Variants in GEMIN7 observed in about 807,000 individuals in gnomAD.
GEMIN7 encodes gem-associated protein 7.
A neutral mutation model predicts 7.8 loss-of-function variants in GEMIN7; 7 were observed. The ratio of observed to expected loss-of-function variants is 0.90; its 90% CI spans 0.51 to 1.69. The LOEUF (loss-of-function observed/expected upper bound fraction) is 1.69, where lower values mean the gene tolerates loss of function less well. Ranked by LOEUF, GEMIN7 falls within the 40% of genes most tolerant of loss-of-function variation. The pLI, the probability that GEMIN7 is intolerant of heterozygous loss-of-function variation, is 0.00. For missense variants in GEMIN7, 159 were observed against 176.2 expected (o/e 0.90, Z 0.55); for synonymous variants, 68 against 72.4 (o/e 0.94, Z 0.31).
At chr19:45,079,834 G>A (rs74863669) in intron 1 of GEMIN7, 73 bp from the exon 2 acceptor site, 2,633 of 152,380 alleles carry the variant, frequency 0.017, 30 homozygotes, top group Middle Eastern at 0.027. Context: ...TTTGCATCAA[G>A]ATTCAGCAGC....
chr19:45,084,721 G>A (rs1967621514), intron 2 of GEMIN7, among the ~76,000 whole-genome samples: 6 of 152,210 alleles, frequency 3.9e-5, no homozygotes, highest in Admixed American at 2.0e-4. Flanking sequence ...GGGATTACAG[G>A]AGCCTGCCAC....
chr19:45,076,733 C>G (rs1217131047), upstream of GEMIN7: 1 of 215,272 alleles, frequency 4.6e-6, no homozygotes, highest in African/African-American at 2.3e-5. This position sits in a 1 kb window ranked among gnomAD's most constrained non-coding sequence, Gnocchi z 4.9. Context: ...CCACACGCAC[C>G]CCCAAGCGAG....
intron 2 of GEMIN7, among the ~76,000 whole-genome samples, chr19:45,089,208 T>C (rs963599966): frequency 3.9e-5 from 6 of 152,102 alleles, no homozygotes; most frequent in Admixed American, 3.3e-4. Context: ...TCCCAAAGTG[T>C]TGGGATTACA....
Position 45,090,436 on chromosome 19 carries a change from C to T in GEMIN7, c.322C>T (p.Gln108Ter). The part of the protein sequence containing the change: ...DVANFYVSQL[Q>*]TPIGVQAEAL... The stretch of plus-strand genomic sequence containing the variant: ...GGCCAACTTCTACGTGTCACAGCTG[C>T]AGACTCCCATAGGTGTGCAAGCAGA... The change falls in exon 3 of 3, where the codon CAG becomes TAG. Residue 108 changes from glutamine (Q) to a stop codon, truncating the protein, a stop_gained. Transcript: ENST00000270257. LOFTEE classifies it high-confidence loss of function. 1.2e-6 allele frequency: 2 copies of T among 1,614,102 alleles called. No homozygotes were observed. The highest frequency in any genetic ancestry group is 1.7e-6 in the Non-Finnish European group (2 of 1,180,026).
chr19:45,083,319 C>A (rs1036341080), intron 2 of GEMIN7, among the ~76,000 whole-genome samples: 1 of 151,968 alleles, frequency 6.6e-6, no homozygotes, highest in Non-Finnish European at 1.5e-5. Context: ...TGGTGGCGCG[C>A]ACCTGTAATC....
upstream of GEMIN7, chr19:45,076,396 G>A: frequency 8.0e-7 from 1 of 1,250,456 alleles, no homozygotes. This position sits in a 1 kb window ranked among gnomAD's most constrained non-coding sequence, Gnocchi z 4.9. Context: ...GGGCGAGCGA[G>A]CGGGCGGGCA....
Sources: gnomAD v4.1 joint callset for allele counts (sites outside exome capture counted in the v4.1 genomes callset) on GRCh38, gnomAD v4.1.1 for gene constraint, Gnocchi (gnomAD v3.1) non-coding constraint, MANE v1.5 for transcripts, NCBI Gene and HGNC (gene_info 2026-07-23, HGNC 2026-07-21) for gene names.